Variants in ERBB4 observed in about 807,000 individuals in gnomAD.
ERBB4 encodes the protein erb-b2 receptor tyrosine kinase 4, also known as receptor tyrosine-protein kinase erbB-4.
A neutral mutation model predicts 158.0 loss-of-function variants in ERBB4; 42 were observed. The ratio of observed to expected loss-of-function variants is 0.27; its 90% CI spans 0.21 to 0.34. ERBB4 has a LOEUF of 0.34. Ranked by LOEUF, ERBB4 falls within the 10% of genes least tolerant of loss-of-function variation. The pLI is 1.00. For synonymous variants in ERBB4, 583 were observed against 558.7 expected (o/e 1.04, Z -0.61); for missense variants, 1,333 against 1,624.1 (o/e 0.82, Z 3.08).
chr2:211,435,785 C>T (rs2063838534), intron 20 of ERBB4, among the ~76,000 whole-genome samples: 1 of 152,078 alleles, frequency 6.6e-6, no homozygotes, highest in Admixed American at 6.5e-5. Flanking sequence ...GTCCCTGGTG[C>T]CAAAAAGGTT....
intron 2 of ERBB4, among the ~76,000 whole-genome samples, chr2:211,994,299 TA>T (rs958399588): frequency 1.1e-3 from 166 of 145,198 alleles, no homozygotes; most frequent in African/African-American, 3.1e-3. Context: ...CTCAGCTAAT[TA>T]AAAAAAAAAA....
chr2:211,493,106 T>A (rs375396930), intron 20 of ERBB4, among the ~76,000 whole-genome samples: 1 of 152,152 alleles, frequency 6.6e-6, no homozygotes, highest in African/African-American at 2.4e-5. Flanking sequence ...AATGCCAAAC[T>A]ATTACGTAAT....
chr2:211,411,762 G>C (rs2063267617), intron 25 of ERBB4, among the ~76,000 whole-genome samples: 1 of 152,150 alleles, frequency 6.6e-6, no homozygotes, highest in Non-Finnish European at 1.5e-5. Context: ...ATCATTTGAA[G>C]AGAGACCTAC....
intron 5 of ERBB4, 26 bp downstream of exon 5, chr2:211,750,613 G>C: frequency 6.3e-7 from 1 of 1,599,696 alleles, no homozygotes; most frequent in Non-Finnish European, 8.6e-7. Flanking sequence ...CATCAAACCT[G>C]TGTGCTCTCA....
chr2:212,045,255 T>G (rs1294637884), intron 2 of ERBB4, among the ~76,000 whole-genome samples: 1 of 152,010 alleles, frequency 6.6e-6, no homozygotes, highest in Admixed American at 6.6e-5. Context: ...AAGCCAGGGG[T>G]TTGAGACCAG....
At chr2:211,448,271 C>T (rs1046644490) in intron 20 of ERBB4, among the ~76,000 whole-genome samples, 7 of 152,054 alleles carry the variant, frequency 4.6e-5, no homozygotes, top group Admixed American at 2.0e-4. Flanking sequence ...TTGCACCCAG[C>T]CTATTATTAT....
At chr2:211,657,897 G>T in intron 15 of ERBB4, 69 bp from the exon 16 acceptor site, 1 of 1,601,048 alleles carries the variant, frequency 6.2e-7, no homozygotes, top group Non-Finnish European at 8.6e-7. Flanking sequence ...ATGCACCAGT[G>T]CTCACACATG....
At chr2:211,562,442 A>T (rs533635891) in intron 19 of ERBB4, among the ~76,000 whole-genome samples, 1 of 152,296 alleles carries the variant, frequency 6.6e-6, no homozygotes, top group Non-Finnish European at 1.5e-5. Flanking sequence ...TTAACCTTTG[A>T]CCTTTGCTCT....
rs538117878 is a variant in ERBB4, at chr2:211,725,845, G to T, written c.623-651C>A. ...AAAGAAAGGAAGGAAGGAAGGAAGGGGAGGGAAAGGAGGAAGGAAAGAAAA... is the reference window on the plus strand; with the variant it reads ...AAAGAAAGGAAGGAAGGAAGGAAGGTGAGGGAAAGGAGGAAGGAAAGAAAA... On this transcript the variant is annotated intron_variant, in intron 5 of 27. Coordinates refer to ENST00000342788, the MANE Select transcript of ERBB4 (RefSeq NM_005235.3). Among the ~76,000 whole-genome samples the T allele has an allele frequency of 3.4e-4, 49 of 142,070 alleles. 1 individual carries two copies. In the South Asian group the frequency reaches 0.011, roughly 32 times the overall value. The allele number at this position is 142,070 out of a possible 152,430, so 93.2% of individuals were successfully genotyped here. A position where few individuals can be genotyped will look rare whatever the true frequency, so the allele number is the denominator to read the frequency against.
intron 20 of ERBB4, among the ~76,000 whole-genome samples, chr2:211,528,126 A>G (rs1021664406): frequency 1.3e-5 from 2 of 152,086 alleles, no homozygotes; most frequent in Admixed American, 6.5e-5. Flanking sequence ...CTTCACCTAT[A>G]AAGACACACA....
intron 20 of ERBB4, among the ~76,000 whole-genome samples, chr2:211,501,234 A>C (rs2065606540): frequency 6.6e-6 from 1 of 151,964 alleles, no homozygotes; most frequent in African/African-American, 2.4e-5. Context: ...GGGTTGGTTA[A>C]TGGGTACAAA....
intron 1 of ERBB4, among the ~76,000 whole-genome samples, chr2:212,282,155 T>G (rs2085782196): frequency 6.6e-6 from 1 of 151,922 alleles, no homozygotes; most frequent in Non-Finnish European, 1.5e-5. Flanking sequence ...CCATCTGGAC[T>G]TTGTTACGTA....
At position 211,634,102 on chromosome 2, in the gene ERBB4, T is replaced by A. The variant is rs143834034; in HGVS notation, c.1947-3508A>T. ...TGAACCCAGGAAGTGAAGGTTGCAATGAGTATTTTCTAATTTTTTATGATC... is the reference window on the plus strand; with the variant it reads ...TGAACCCAGGAAGTGAAGGTTGCAAAGAGTATTTTCTAATTTTTTATGATC... On this transcript the variant is annotated intron_variant, in intron 16 of 27. Transcript: ENST00000342788. 2.2e-3 allele frequency among the ~76,000 whole-genome samples: 330 copies of A among 152,332 alleles called. 2 individuals are homozygous for A. Among genetic ancestry groups the A allele is most frequent in the African/African-American group, 7.6e-3 (317 of 41,584 alleles).
intron 2 of ERBB4, among the ~76,000 whole-genome samples, chr2:212,033,222 T>A (rs1374537938): frequency 2.0e-5 from 3 of 152,046 alleles, no homozygotes; most frequent in Admixed American, 6.6e-5. Context: ...TGTACACTTT[T>A]AGATAGGCAA....
chr2:212,394,945 G>T (rs1028654534), intron 1 of ERBB4, among the ~76,000 whole-genome samples: 2 of 152,086 alleles, frequency 1.3e-5, no homozygotes, highest in Non-Finnish European at 2.9e-5. Flanking sequence ...AGATCAAGTG[G>T]CCTTAAACGT....
intron 1 of ERBB4, among the ~76,000 whole-genome samples, chr2:212,130,900 G>A (rs949615501): frequency 1.3e-5 from 2 of 152,054 alleles, no homozygotes; most frequent in African/African-American, 4.8e-5. Flanking sequence ...CATAAAATAT[G>A]GAACTTGATA....
chr2:212,320,157 A>G (rs926689354), intron 1 of ERBB4, among the ~76,000 whole-genome samples: 2 of 148,098 alleles, frequency 1.4e-5, no homozygotes, highest in Admixed American at 6.7e-5. Context: ...AAAGTCTGAT[A>G]TGTTCTGACT....
At chr2:212,296,871 AC>A (rs2086433234) in intron 1 of ERBB4, among the ~76,000 whole-genome samples, 1 of 151,922 alleles carries the variant, frequency 6.6e-6, no homozygotes, top group African/African-American at 2.4e-5. Context: ...AGTCTTTGCA[AC>A]CCTCAAAACT....
At chr2:211,800,250 A>G (rs897535783) in intron 3 of ERBB4, among the ~76,000 whole-genome samples, 11 of 152,152 alleles carry the variant, frequency 7.2e-5, no homozygotes, top group African/African-American at 2.4e-4. Flanking sequence ...CCATTGTGTG[A>G]ATACTTATAA....
Sources: gnomAD v4.1 joint callset for allele counts (sites outside exome capture counted in the v4.1 genomes callset) on GRCh38, gnomAD v4.1.1 for gene constraint, MANE v1.5 for transcripts, NCBI Gene and HGNC (gene_info 2026-07-23, HGNC 2026-07-21) for gene names.